Variants in GABRB1 observed in about 807,000 individuals in gnomAD.
GABRB1 encodes gamma-aminobutyric acid type A receptor subunit beta1.
In GABRB1, 17 loss-of-function variants were observed where a neutral mutation model predicts 51.6. The observed-to-expected ratio is 0.33, with a 90% confidence interval of 0.23 to 0.49. The LOEUF (loss-of-function observed/expected upper bound fraction) is 0.49, where lower values mean the gene tolerates loss of function less well. Ranked by LOEUF, GABRB1 falls within the 20% of genes least tolerant of loss-of-function variation. GABRB1 has a pLI of 0.99. For synonymous variants in GABRB1, 247 were observed against 218.9 expected (o/e 1.13, Z -1.14); for missense variants, 410 against 600.6 (o/e 0.68, Z 3.32).
intron 5 of GABRB1, 47 bp downstream of exon 5, chr4:47,320,256 C>A: frequency 8.2e-7 from 1 of 1,218,404 alleles, no homozygotes. Context: ...TCTTCCTTGA[C>A]CCAGTTGAAT....
chr4:47,129,621 C>A (rs1044867667), intron 3 of GABRB1, among the ~76,000 whole-genome samples: 1 of 152,084 alleles, frequency 6.6e-6, no homozygotes, highest in African/African-American at 2.4e-5. Context: ...AATTAATGGC[C>A]ATAAACTATG....
At chr4:47,206,318 G>A (rs1235999074) in intron 4 of GABRB1, among the ~76,000 whole-genome samples, 2 of 152,012 alleles carry the variant, frequency 1.3e-5, no homozygotes, top group African/African-American at 2.4e-5. Context: ...ATCCTAGGAA[G>A]GAATGCCAAG....
intron 4 of GABRB1, among the ~76,000 whole-genome samples, chr4:47,252,960 A>G (rs1722050546): frequency 6.6e-6 from 1 of 152,230 alleles, no homozygotes; most frequent in Non-Finnish European, 1.5e-5. Flanking sequence ...AGTACTTACC[A>G]CATACAAGAC....
chr4:47,226,664 T>C (rs1247862961), intron 4 of GABRB1, among the ~76,000 whole-genome samples: 1 of 152,140 alleles, frequency 6.6e-6, no homozygotes, highest in Non-Finnish European at 1.5e-5. Flanking sequence ...CCTTGAGGAC[T>C]ACCTTTCTTC....
At chr4:47,140,966 G>A (rs914758377) in intron 3 of GABRB1, among the ~76,000 whole-genome samples, 3 of 151,752 alleles carry the variant, frequency 2.0e-5, no homozygotes, top group Non-Finnish European at 4.4e-5. Flanking sequence ...GAGTGTTTGT[G>A]AGAAAGATAT....
At position 47,150,342 on chromosome 4, in the gene GABRB1, A is replaced by G. The variant is rs547183777; in HGVS notation, c.241-10907A>G. Among the ~76,000 whole-genome samples the G allele has an allele frequency of 3.0e-5, 4 of 131,764 alleles. No homozygotes were observed. In the South Asian group the frequency reaches 8.1e-4, roughly 27 times the overall value. The allele number at this position is 131,764 out of a possible 152,430, so 86.4% of individuals were successfully genotyped here. A position where few individuals can be genotyped will look rare whatever the true frequency, so the allele number is the denominator to read the frequency against. Reference sequence around the variant, plus strand: ...CACACACACACACACACACACACACACGCACATACACACACACACACGCAC... The same window carrying G: ...CACACACACACACACACACACACACGCGCACATACACACACACACACGCAC... On this transcript the variant is annotated intron_variant, in intron 3 of 8. Coordinates refer to ENST00000295454, the MANE Select transcript of GABRB1 (RefSeq NM_000812.4).
At chr4:47,384,295 C>T (rs1430587529) in intron 5 of GABRB1, among the ~76,000 whole-genome samples, 1 of 151,826 alleles carries the variant, frequency 6.6e-6, no homozygotes, top group African/African-American at 2.4e-5. Context: ...TTTGCCATCA[C>T]TGATTTTGGC....
intron 4 of GABRB1, among the ~76,000 whole-genome samples, chr4:47,307,409 A>G (rs893030136): frequency 5.3e-5 from 8 of 152,062 alleles, no homozygotes; most frequent in Non-Finnish European, 1.2e-4. Flanking sequence ...GGAGTGCTCA[A>G]TTATTAACTT....
In GABRB1 at chr4:47,062,010, C is replaced by T. The variant is rs188383554; in HGVS notation, c.240+29526C>T. Among the ~76,000 whole-genome samples the T allele has an allele frequency of 7.9e-5, 12 of 152,280 alleles. No individual in the cohort carries two copies. The East Asian group carries it at 2.1e-3, about 27-fold the overall frequency. ...TAGATCAGTGTCATATTTATCTTCA[C>T]CTTGCAAAGCTTATTGCATTATTTA... On this transcript the variant is annotated intron_variant, in intron 3 of 8. Transcript: ENST00000295454.
At chr4:47,225,922 T>A (rs182817764) in intron 4 of GABRB1, among the ~76,000 whole-genome samples, 2 of 152,256 alleles carry the variant, frequency 1.3e-5, no homozygotes, top group Admixed American at 1.3e-4. Context: ...TTTATTTTCT[T>A]TAAATAGGGT....
At chr4:47,211,587 C>G in intron 4 of GABRB1, among the ~76,000 whole-genome samples, 1 of 152,258 alleles carries the variant, frequency 6.6e-6, no homozygotes, top group East Asian at 1.9e-4. Context: ...GAACCGTTAC[C>G]GCTCTAGGCT....
intron 5 of GABRB1, among the ~76,000 whole-genome samples, chr4:47,397,241 T>A (rs1294067051): frequency 6.6e-6 from 1 of 152,218 alleles, no homozygotes; most frequent in African/African-American, 2.4e-5. Context: ...CATGTTTTCT[T>A]GCAGTATAAG....
intron 5 of GABRB1, among the ~76,000 whole-genome samples, chr4:47,321,898 T>G (rs1354362745): frequency 6.6e-6 from 1 of 152,230 alleles, no homozygotes; most frequent in African/African-American, 2.4e-5. Flanking sequence ...TACTTGAAAT[T>G]GATTCTGTGT....
At chr4:47,008,629 A>ATTTTTTTT (rs71193894) in intron 1 of GABRB1, among the ~76,000 whole-genome samples, 10 of 117,486 alleles carry the variant, frequency 8.5e-5, no homozygotes, top group Non-Finnish European at 1.4e-4. Flanking sequence ...CACCCAGCTA[A>ATTTTTTTT]TTTTTTTTTT....
intron 3 of GABRB1, among the ~76,000 whole-genome samples, chr4:47,117,406 G>T (rs1419439701): frequency 6.6e-6 from 1 of 152,088 alleles, no homozygotes; most frequent in African/African-American, 2.4e-5. Context: ...TGCTGGCAAG[G>T]GTGCTGAGTC....
At chr4:47,216,749 A>C (rs1720570277) in intron 4 of GABRB1, among the ~76,000 whole-genome samples, 1 of 151,946 alleles carries the variant, frequency 6.6e-6, no homozygotes, top group South Asian at 2.1e-4. Context: ...TGTTTGCAAT[A>C]AGATCTTGCA....
intron 5 of GABRB1, among the ~76,000 whole-genome samples, chr4:47,331,145 T>A (rs894762956): frequency 2.0e-5 from 3 of 152,118 alleles, no homozygotes; most frequent in Admixed American, 1.3e-4. Flanking sequence ...GTAGACTACT[T>A]AATGAAAATG....
At chr4:47,271,974 G>A (rs1487388753) in intron 4 of GABRB1, among the ~76,000 whole-genome samples, 1 of 130,926 alleles carries the variant, frequency 7.6e-6, no homozygotes, top group East Asian at 2.6e-4. Flanking sequence ...CTTCAAATGA[G>A]CACATTTTCA....
chr4:47,268,079 G>A (rs1189387641), intron 4 of GABRB1, among the ~76,000 whole-genome samples: 7 of 152,102 alleles, frequency 4.6e-5, no homozygotes, highest in Admixed American at 4.6e-4. Flanking sequence ...TACAGAAAGT[G>A]AAGAAGCACT....
Sources: allele counts gnomAD v4.1 joint callset (sites outside exome capture counted in the v4.1 genomes callset), GRCh38; gene constraint gnomAD v4.1.1; transcripts MANE v1.5; gene names NCBI Gene and HGNC (gene_info 2026-07-23, HGNC 2026-07-21).